The following CADPS2 variants were observed in gnomAD, a reference collection of about 807,000 sequenced individuals.
CADPS2 encodes the protein calcium dependent secretion activator 2.
In CADPS2, 93 loss-of-function variants were observed where a neutral mutation model predicts 172.5. That is an observed-to-expected ratio of 0.54 (90% CI 0.46 to 0.64). The LOEUF is 0.64. Ranked by LOEUF, CADPS2 falls within the 30% of genes least tolerant of loss-of-function variation. The pLI, the probability that CADPS2 is intolerant of heterozygous loss-of-function variation, is 0.00. For synonymous variants in CADPS2, 546 were observed against 555.2 expected, an observed-to-expected ratio of 0.98 and a Z score of 0.23; for missense variants, 1,420 against 1,565.9, an observed-to-expected ratio of 0.91 and a Z score of 1.57.
At chr7:122,463,942 G>A (rs965371312) in intron 14 of CADPS2, among the ~76,000 whole-genome samples, 1 of 152,150 alleles carries the variant, frequency 6.6e-6, no homozygotes, top group African/African-American at 2.4e-5. Context: ...ACGTCAGTAT[G>A]AACTCATGGT....
chr7:122,644,049 A>G (rs2078009959), intron 3 of CADPS2, among the ~76,000 whole-genome samples: 1 of 152,078 alleles, frequency 6.6e-6, no homozygotes, highest in Non-Finnish European at 1.5e-5. Flanking sequence ...CAGCCTGGGC[A>G]ACAGAGGTAG....
At chr7:122,636,630 T>A (rs1447197302) in intron 3 of CADPS2, among the ~76,000 whole-genome samples, 1 of 152,060 alleles carries the variant, frequency 6.6e-6, no homozygotes, top group African/African-American at 2.4e-5. Context: ...CATGCCAAGC[T>A]AATTTTTGTA....
Position 122,510,181 on chromosome 7 carries a change from T to A in CADPS2, c.1542+3068A>T, listed in dbSNP as rs147660521. ...ACAAGAAAAATAAGTAACAAACATA[T>A]ACAAGTTTAATTCTGGTAGTATTTC... On this transcript the variant is annotated intron_variant, in intron 9 of 29. Transcript: ENST00000449022. Among the ~76,000 whole-genome samples, 1,387 of 152,204 alleles carry A rather than the reference T, an allele frequency of 9.1e-3. 9 individuals carry two copies. The highest frequency in any genetic ancestry group is 0.013 in the Non-Finnish European group (852 of 67,986).
chr7:122,680,039 G>A (rs1336628379), intron 2 of CADPS2, among the ~76,000 whole-genome samples: 1 of 152,246 alleles, frequency 6.6e-6, no homozygotes, highest in East Asian at 1.9e-4. Flanking sequence ...TATGAGGCTA[G>A]AAGCAAGATA....
At chr7:122,560,678 A>G (rs995203536) in intron 7 of CADPS2, among the ~76,000 whole-genome samples, 9 of 152,210 alleles carry the variant, frequency 5.9e-5, no homozygotes, top group African/African-American at 2.2e-4. Flanking sequence ...ATCTTTCCAG[A>G]TAAGTAGAGC....
intron 19 of CADPS2, among the ~76,000 whole-genome samples, chr7:122,410,112 G>A (rs1341779372): frequency 6.6e-6 from 1 of 152,140 alleles, no homozygotes; most frequent in Admixed American, 6.6e-5. Flanking sequence ...GGGAGGCAGA[G>A]GAGGGCAGAT....
chr7:122,676,976 A>G (rs2082438994), intron 2 of CADPS2, among the ~76,000 whole-genome samples: 1 of 152,162 alleles, frequency 6.6e-6, no homozygotes, highest in Non-Finnish European at 1.5e-5. Flanking sequence ...TCTTTCAAGA[A>G]CATATTTTCT....
chr7:122,391,688 T>C (rs1465649149), intron 22 of CADPS2, among the ~76,000 whole-genome samples: 3 of 152,188 alleles, frequency 2.0e-5, no homozygotes, highest in South Asian at 2.1e-4. Context: ...GCAGTTATGA[T>C]GTTAAACTTG....
At chr7:122,545,056 A>G (rs533972491) in intron 8 of CADPS2, among the ~76,000 whole-genome samples, 1 of 152,288 alleles carries the variant, frequency 6.6e-6, no homozygotes, top group East Asian at 1.9e-4. Flanking sequence ...CAGGTGGTTG[A>G]GAATGCCTTG....
At position 122,526,306 on chromosome 7, in the gene CADPS2, C is replaced by T. The variant is rs1354425520; in HGVS notation, c.1476-12991G>A. Among the ~76,000 whole-genome samples the T allele has an allele frequency of 1.2e-4, 18 of 152,180 alleles. 1 individual carries two copies. In the South Asian group the frequency reaches 3.5e-3, roughly 30 times the overall value. ...TCCCGGGTTCAAGTAATTCTCATGC[C>T]TCAGCCTCCTGAGTAGCTGGGATTA... On this transcript the variant is annotated intron_variant, in intron 8 of 29. Transcript: ENST00000449022.
chr7:122,721,220 A>G (rs1482242337), intron 2 of CADPS2, among the ~76,000 whole-genome samples: 1 of 152,128 alleles, frequency 6.6e-6, no homozygotes, highest in East Asian at 1.9e-4. Context: ...AGAGACACAA[A>G]AAACCCTTCA....
chr7:122,641,656 C>T (rs1235508269), intron 3 of CADPS2, among the ~76,000 whole-genome samples: 1 of 152,152 alleles, frequency 6.6e-6, no homozygotes, highest in Non-Finnish European at 1.5e-5. Flanking sequence ...CAGTCCTACA[C>T]ATCTTCAGAC....
chr7:122,826,768 T>A (rs1231171353), intron 1 of CADPS2, among the ~76,000 whole-genome samples: 1 of 151,832 alleles, frequency 6.6e-6, no homozygotes, highest in Non-Finnish European at 1.5e-5. Context: ...TCCCAGCACA[T>A]TAAAACTTGT....
intron 1 of CADPS2, among the ~76,000 whole-genome samples, chr7:122,779,159 T>A (rs1221191038): frequency 6.7e-6 from 1 of 149,358 alleles, no homozygotes; most frequent in African/African-American, 2.5e-5. Flanking sequence ...ATTAAACCTA[T>A]TTTTTTTTAT....
chr7:122,442,533 TTGG>T (rs1295372408), intron 15 of CADPS2, among the ~76,000 whole-genome samples: 1 of 152,216 alleles, frequency 6.6e-6, no homozygotes, highest in Non-Finnish European at 1.5e-5. Flanking sequence ...AATCAGGCAC[TTGG>T]TGGACATATT....
rs748345306 is a variant in CADPS2 at position 122,345,723 on chromosome 7, T to C, written c.3505-42A>G. 42 of 1,197,004 alleles carry C rather than the reference T, an allele frequency of 3.5e-5. No individual in the cohort carries two copies. In the South Asian group the frequency reaches 4.6e-4, roughly 13 times the overall value. The allele number at this position is 1,197,004 out of a possible 1,614,324, so 74.1% of individuals were successfully genotyped here. A position where few individuals can be genotyped will look rare whatever the true frequency, so the allele number is the denominator to read the frequency against. Reference sequence around the variant, plus strand: ...GCAGGGGGAACAAAATAATATCAGGTCTCAATTGTGAAATTATTATTTAAT... The same window carrying C: ...GCAGGGGGAACAAAATAATATCAGGCCTCAATTGTGAAATTATTATTTAAT... On this transcript the variant is annotated intron_variant, in intron 27 of 29. Coordinates refer to ENST00000449022, the MANE Select transcript of CADPS2 (RefSeq NM_017954.11).
chr7:122,612,618 T>C (rs2074432937), intron 6 of CADPS2, among the ~76,000 whole-genome samples: 1 of 152,090 alleles, frequency 6.6e-6, no homozygotes, highest in Admixed American at 6.6e-5. Flanking sequence ...ATGCTCCAAA[T>C]TGACCTACAG....
chr7:122,406,322 G>A (rs1453465657), intron 20 of CADPS2, among the ~76,000 whole-genome samples: 1 of 152,166 alleles, frequency 6.6e-6, no homozygotes, highest in Non-Finnish European at 1.5e-5. Flanking sequence ...GAAAGATATA[G>A]CAGTGGCCTT....
rs929420373 is a variant in CADPS2, at chr7:122,415,981, C to A, written c.2580+80G>T. 3.8e-6 allele frequency: 3 copies of A among 783,912 alleles called. No homozygotes were observed. The African/African-American group carries it at 5.1e-5, about 13-fold the overall frequency. 48.6% of individuals were successfully genotyped at this position (783,912 alleles called of 1,614,324 possible). ...TTCAGATATGTATCAAGACTATGGG[C>A]AGGCCACTTATTCAGTGTAGCCACA... On this transcript the variant is annotated intron_variant, in intron 18 of 29. Transcript: ENST00000449022.
Sources: gnomAD v4.1 joint callset for allele counts (sites outside exome capture counted in the v4.1 genomes callset) on GRCh38, gnomAD v4.1.1 for gene constraint, MANE v1.5 for transcripts, NCBI Gene and HGNC (gene_info 2026-07-23, HGNC 2026-07-21) for gene names.